Variants in SPAG9 observed in about 807,000 individuals in gnomAD.
SPAG9 encodes the protein sperm associated antigen 9.
SPAG9 carries 35 observed loss-of-function variants against 166.5 expected under a neutral mutation model. That is an observed-to-expected ratio of 0.21 (90% CI 0.16 to 0.28). The LOEUF (loss-of-function observed/expected upper bound fraction) is 0.28. Ranked by LOEUF, SPAG9 falls within the 10% of genes least tolerant of loss-of-function variation. The probability of loss-of-function intolerance (pLI) is 1.00; values close to 1 mark genes in which losing one functional copy is unlikely to be tolerated. For synonymous variants in SPAG9, 534 were observed against 565.5 expected (o/e 0.94, Z 0.79); for missense variants, 1,235 against 1,603.3 (o/e 0.77, Z 3.92).
intron 25 of SPAG9, among the ~76,000 whole-genome samples, chr17:50,981,481 TAAAGATAGATAGATAG>T (rs1567959260): frequency 1.6e-5 from 2 of 124,652 alleles, no homozygotes; most frequent in East Asian, 2.3e-4. Flanking sequence ...GATACACAGA[TAAAGATAGATAGATAG>T]ATAGATAGAT....
chr17:51,001,055 A>T (rs1172713441), intron 13 of SPAG9, among the ~76,000 whole-genome samples: 2 of 152,234 alleles, frequency 1.3e-5, no homozygotes, highest in African/African-American at 4.8e-5. Flanking sequence ...TAAAGAAGTA[A>T]AAGTTGGCAA....
intron 2 of SPAG9, among the ~76,000 whole-genome samples, chr17:51,077,139 T>A (rs2048040185): frequency 6.6e-6 from 1 of 151,970 alleles, no homozygotes; most frequent in South Asian, 2.1e-4. Context: ...TCTATCTATT[T>A]CTTTGAGACA....
chr17:51,066,855 G>A (rs1017104521), intron 2 of SPAG9, among the ~76,000 whole-genome samples: 1 of 151,914 alleles, frequency 6.6e-6, no homozygotes, highest in Non-Finnish European at 1.5e-5. Context: ...TTACACCACT[G>A]CGCTCTAGCC....
At chr17:50,971,413 GATAT>G (rs894035290) in intron 28 of SPAG9, among the ~76,000 whole-genome samples, 1 of 148,778 alleles carries the variant, frequency 6.7e-6, no homozygotes, top group Non-Finnish European at 1.5e-5. Context: ...TCCAATATGA[GATAT>G]ATGCATGGCA....
rs1336477424 is a variant in SPAG9 at position 50,985,760 on chromosome 17, A to T, written c.2958T>A (p.Ser986=). 1 of 1,604,934 alleles carries T rather than the reference A, an allele frequency of 6.2e-7. No homozygotes were observed. The highest frequency in any genetic ancestry group is 8.5e-7 in the Non-Finnish European group (1 of 1,172,276). Residue 986 remains serine (S), a synonymous_variant, in exon 23 of 30, where the codon TCT becomes TCA. Transcript: ENST00000262013. ...AQNGCLYVHS[S]VAQWRKCLHS... is the part of the protein sequence containing the mutation. Reference sequence around the variant, plus strand: ...GGAGACATTTCCTCCACTGGGCTACAGATGAATGGACATACAAACTGTAAG... The same window carrying T: ...GGAGACATTTCCTCCACTGGGCTACTGATGAATGGACATACAAACTGTAAG...
intron 4 of SPAG9, among the ~76,000 whole-genome samples, chr17:51,042,743 T>TA (rs1400776722): frequency 1.3e-5 from 2 of 152,188 alleles, no homozygotes; most frequent in Non-Finnish European, 1.5e-5. Context: ...AAAGGACTAG[T>TA]AAAACTATCC....
In SPAG9 at chr17:51,120,141, C is replaced by G. The variant is rs1254881860; in HGVS notation, c.303+213G>C. On this transcript the variant is annotated intron_variant, in intron 1 of 29. Coordinates refer to ENST00000262013, the MANE Select transcript of SPAG9 (RefSeq NM_001130528.3). This position sits in a 1 kb window ranked among gnomAD's most constrained non-coding sequence, Gnocchi z 4.7. Reference sequence around the variant, plus strand: ...GGCCCTGCCTCCTCCATCTCGCTCCCTTCCCAGGACACTCAGTAGCCGGCC... The same window carrying G: ...GGCCCTGCCTCCTCCATCTCGCTCCGTTCCCAGGACACTCAGTAGCCGGCC... 6.6e-6 allele frequency among the ~76,000 whole-genome samples: 1 copy of G among 152,244 alleles called. No homozygotes were observed. Among genetic ancestry groups the G allele is most frequent in the Admixed American group, 6.5e-5 (1 of 15,290 alleles).
chr17:51,043,920 TCAGTTGACAAAATCTACAATCAA>T (rs2046931881), intron 4 of SPAG9, among the ~76,000 whole-genome samples: 1 of 152,124 alleles, frequency 6.6e-6, no homozygotes, highest in Admixed American at 6.6e-5. Flanking sequence ...GTAAACAAAA[TCAGTTGACAAAATCTACAATCAA>T]CAGTCAACAA....
At chr17:51,089,035 G>A (rs1328784703) in intron 1 of SPAG9, among the ~76,000 whole-genome samples, 1 of 149,996 alleles carries the variant, frequency 6.7e-6, no homozygotes, top group Non-Finnish European at 1.5e-5. Context: ...AGGGGTTGCG[G>A]TGAGCGAGAT....
chr17:51,034,304 G>A (rs1430690479), intron 5 of SPAG9, among the ~76,000 whole-genome samples: 2 of 152,126 alleles, frequency 1.3e-5, no homozygotes, highest in Non-Finnish European at 2.9e-5. Flanking sequence ...CAAACCAGAA[G>A]TAAATGAATG....
At chr17:51,089,654 A>G (rs1249172273) in intron 1 of SPAG9, among the ~76,000 whole-genome samples, 1 of 107,590 alleles carries the variant, frequency 9.3e-6, no homozygotes, top group Non-Finnish European at 2.0e-5. Context: ...ATATATATAT[A>G]TATATATATA....
chr17:51,105,413 G>C (rs2048919660), intron 1 of SPAG9, among the ~76,000 whole-genome samples: 1 of 152,104 alleles, frequency 6.6e-6, no homozygotes. Flanking sequence ...ATTTATGAGA[G>C]CTAACTTTTC....
Position 50,966,267 on chromosome 17 carries a change from T to A in SPAG9, c.*5A>T, listed in dbSNP as rs916244860. The A allele has an allele frequency of 1.3e-6, 2 of 1,570,834 alleles. No individual in the cohort carries two copies. The highest frequency in any genetic ancestry group is 1.8e-6 in the Non-Finnish European group (2 of 1,140,882). The stretch of plus-strand genomic sequence containing the variant: ...CTTCCCCATCTCCACCTGTTTCCCA[T>A]GGGCTCACTCATTGCCATACATCAC... On this transcript the variant is annotated 3_prime_UTR_variant, in exon 30 of 30. Coordinates refer to ENST00000262013, the MANE Select transcript of SPAG9 (RefSeq NM_001130528.3).
At chr17:51,035,527 C>T (rs2046552688) in intron 5 of SPAG9, among the ~76,000 whole-genome samples, 1 of 152,144 alleles carries the variant, frequency 6.6e-6, no homozygotes. Flanking sequence ...GGAACAATTT[C>T]AGAACTTAAC....
chr17:50,985,609 G>T, intron 23 of SPAG9, 89 bp downstream of exon 23: 1 of 692,120 alleles, frequency 1.4e-6, no homozygotes, highest in Non-Finnish European at 2.4e-6. Flanking sequence ...ATTTAGTCGT[G>T]AAACATGTAT....
chr17:51,047,409 C>A lies in SPAG9; in HGVS notation c.556G>T (p.Asp186Tyr). ...CTATGAGCTGTGGATTCTAGTTGAT[C>A]ACTCCCTGAGAGCTGATGAAGTTTT... ...RTKLHQLSGS[D>Y]QLESTAHSRI... is the part of the protein sequence containing the mutation. The change falls in exon 4 of 30, where the codon GAT (aspartate) becomes TAT (tyrosine). Residue 186 changes from aspartate (D) to tyrosine (Y), a missense_variant. Asp to Tyr is a radical substitution (Grantham distance 160). Transcript: ENST00000262013. The A allele has an allele frequency of 6.3e-7, 1 of 1,593,878 alleles. No homozygotes were observed. Among genetic ancestry groups the A allele is most frequent in the South Asian group, 1.1e-5 (1 of 88,882 alleles).
chr17:51,094,186 A>G (rs755035912), intron 1 of SPAG9, among the ~76,000 whole-genome samples: 50 of 152,228 alleles, frequency 3.3e-4, no homozygotes, highest in Non-Finnish European at 6.5e-4. Context: ...CTGGGTTGCC[A>G]AGAGGCAGTA....
chr17:51,072,831 GT>G (rs1053902881), intron 2 of SPAG9, among the ~76,000 whole-genome samples: 1 of 151,970 alleles, frequency 6.6e-6, no homozygotes, highest in African/African-American at 2.4e-5. Flanking sequence ...CCCAATCTTG[GT>G]TTTCCAATAG....
chr17:51,046,060 G>A (rs1474357310), intron 4 of SPAG9, among the ~76,000 whole-genome samples: 4 of 152,146 alleles, frequency 2.6e-5, no homozygotes, highest in Admixed American at 2.6e-4. Flanking sequence ...AATGATACCT[G>A]AAACTCTATC....
Sources: allele counts gnomAD v4.1 joint callset (sites outside exome capture counted in the v4.1 genomes callset), GRCh38; gene constraint gnomAD v4.1.1; non-coding constraint Gnocchi (gnomAD v3.1); transcripts MANE v1.5; gene names NCBI Gene and HGNC (gene_info 2026-07-23, HGNC 2026-07-21).